Variants in COPB2 observed in about 807,000 individuals in gnomAD.
COPB2 encodes the protein coatomer subunit beta'.
Under a neutral mutation model 120.8 loss-of-function variants are expected in COPB2, and 16 were observed. The observed-to-expected ratio is 0.13, with a 90% confidence interval of 0.09 to 0.20. The LOEUF is 0.20. Ranked by LOEUF, COPB2 falls within the 10% of genes least tolerant of loss-of-function variation. The pLI, the probability that COPB2 is intolerant of heterozygous loss-of-function variation, is 1.00. For missense variants in COPB2, 794 were observed against 1,076.5 expected (o/e 0.74, Z 3.67); for synonymous variants, 332 against 366.3 (o/e 0.91, Z 1.07).
chr3:139,366,988 G>T, intron 14 of COPB2, 27 bp downstream of exon 14: 1 of 1,591,446 alleles, frequency 6.3e-7, no homozygotes, highest in South Asian at 1.1e-5. Context: ...TAAAATTTAG[G>T]ACAAATGCAA....
intron 2 of COPB2, chr3:139,381,780 CT>C: frequency 6.6e-6 from 1 of 152,020 alleles, no homozygotes; most frequent in Non-Finnish European, 1.5e-5. Flanking sequence ...AGTGATAGAG[CT>C]GAGATAGGTA....
intron 15 of COPB2, among the ~76,000 whole-genome samples, chr3:139,364,723 T>C (rs555414215): frequency 6.6e-5 from 10 of 152,232 alleles, no homozygotes; most frequent in African/African-American, 1.9e-4. Context: ...ACATTGAGAC[T>C]CCCTAATCAA....
chr3:139,388,324 G>C (rs530756602), intron 1 of COPB2: 1 of 148,956 alleles, frequency 6.7e-6, no homozygotes, highest in African/African-American at 2.5e-5. Context: ...TGGCCCCTGC[G>C]CAAGTATGAC....
rs1233751457 is a variant in COPB2, at chr3:139,375,451, G to A, written c.651+17C>T. On this transcript the variant is annotated intron_variant, in intron 6 of 21. Transcript: ENST00000333188. ...AACATATCTAACATATGGAAGTAAG[G>A]TTATGAAAAACTGTACCTGATAATC... is the stretch of plus-strand genomic sequence containing the variant. 5.0e-6 allele frequency: 8 copies of A among 1,607,322 alleles called. No homozygotes were observed. Among genetic ancestry groups the A allele is most frequent in the Non-Finnish European group, 6.0e-6 (7 of 1,175,520 alleles).
intron 1 of COPB2, among the ~76,000 whole-genome samples, chr3:139,388,528 T>C (rs1039852474): frequency 6.6e-6 from 1 of 151,968 alleles, no homozygotes. Context: ...ATTAACCTTG[T>C]AGAAACATAA....
intron 10 of COPB2, 125 bp from the exon 11 acceptor site, chr3:139,369,669 A>G: frequency 1.5e-6 from 1 of 654,414 alleles, no homozygotes; most frequent in Non-Finnish European, 2.6e-6. Context: ...ATATTTGAAG[A>G]TTATCTGATG....
In COPB2 at chr3:139,385,403, T is replaced by C. The variant is rs536260974; in HGVS notation, c.4-1968A>G. On this transcript the variant is annotated intron_variant, in intron 1 of 21. Coordinates refer to ENST00000333188, the MANE Select transcript of COPB2 (RefSeq NM_004766.3). ...GTCAATAGTGTCATATCAGGAAATATTCTGAAGAAGTGTTATTCATGAAGT... is the reference window on the plus strand; with the variant it reads ...GTCAATAGTGTCATATCAGGAAATACTCTGAAGAAGTGTTATTCATGAAGT... 2.6e-5 allele frequency: 4 copies of C among 152,344 alleles called. No homozygotes were observed. The East Asian group carries it at 7.7e-4, about 29-fold the overall frequency. 9.4% of individuals were successfully genotyped at this position (152,344 alleles called of 1,614,324 possible). A position where few individuals can be genotyped will look rare whatever the true frequency, so the allele number is the denominator to read the frequency against.
Position 139,373,380 on chromosome 3 carries a change from A to G in COPB2, c.927T>C (p.Asp309=). ...TGGCCCAAATTATCTTTCCATTGGCATCCATGGACATGGCAGGTTCCTCCC... is the reference window on the plus strand; with the variant it reads ...TGGCCCAAATTATCTTTCCATTGGCGTCCATGGACATGGCAGGTTCCTCCC... The part of the protein sequence containing the change: ...LGREEPAMSM[D]ANGKIIWAKH... Residue 309 remains aspartate (D), a synonymous_variant, in exon 9 of 22, where the codon GAT becomes GAC. Coordinates refer to ENST00000333188, the MANE Select transcript of COPB2 (RefSeq NM_004766.3). 1 of 1,614,188 alleles carries G rather than the reference A, an allele frequency of 6.2e-7. No homozygotes were observed. Among genetic ancestry groups the G allele is most frequent in the Non-Finnish European group, 8.5e-7 (1 of 1,180,032 alleles).
chr3:139,364,911 C>T (rs1038648449), intron 15 of COPB2, among the ~76,000 whole-genome samples: 6 of 151,970 alleles, frequency 3.9e-5, no homozygotes, highest in Admixed American at 6.6e-5. Flanking sequence ...ATAAAAGGAA[C>T]GTGAAGGAAG....
At chr3:139,379,590 A>AAT in intron 2 of COPB2, 124 bp from the exon 3 acceptor site, 1 of 718,784 alleles carries the variant, frequency 1.4e-6, no homozygotes, top group South Asian at 2.2e-5. Flanking sequence ...CTCAGGCTAA[A>AAT]ATATAAAAGC....
At chr3:139,364,429 G>A (rs985717709) in intron 15 of COPB2, among the ~76,000 whole-genome samples, 1 of 152,070 alleles carries the variant, frequency 6.6e-6, no homozygotes, top group Non-Finnish European at 1.5e-5. Context: ...AAAGTACAGA[G>A]TATCAAAGGA....
At chr3:139,372,617 C>T (rs1941641029) in intron 9 of COPB2, among the ~76,000 whole-genome samples, 1 of 152,188 alleles carries the variant, frequency 6.6e-6, no homozygotes, top group Non-Finnish European at 1.5e-5. Context: ...TTTCAATACT[C>T]AGCACAGCAT....
rs527455719 is a variant in COPB2 at position 139,359,833 on chromosome 3, A to G, written c.2211-471T>C. Among the ~76,000 whole-genome samples, 87 of 152,184 alleles carry G rather than the reference A, an allele frequency of 5.7e-4. 1 individual carries two copies. Among genetic ancestry groups the G allele is most frequent in the African/African-American group, 2.0e-3 (81 of 41,520 alleles). The stretch of plus-strand genomic sequence containing the variant: ...CTGTGCAAGTTTTATGATGTGGACA[A>G]TATGTTTCAGAATTCAGGATTTTTT... On this transcript the variant is annotated intron_variant, in intron 17 of 21. Coordinates refer to ENST00000333188, the MANE Select transcript of COPB2 (RefSeq NM_004766.3).
intron 9 of COPB2, among the ~76,000 whole-genome samples, chr3:139,372,758 T>G (rs1039868916): frequency 2.6e-5 from 4 of 152,214 alleles, no homozygotes; most frequent in African/African-American, 7.2e-5. Flanking sequence ...CAACTGACAG[T>G]TCGAATTACA....
intron 5 of COPB2, among the ~76,000 whole-genome samples, chr3:139,375,868 T>C (rs950772522): frequency 6.6e-6 from 1 of 152,170 alleles, no homozygotes; most frequent in African/African-American, 2.4e-5. Context: ...AGTCAGTCAA[T>C]CCACAGTGAC....
At chr3:139,374,186 T>C (rs1941675609) in intron 7 of COPB2, 1 of 421,360 alleles carries the variant, frequency 2.4e-6, no homozygotes, top group East Asian at 4.4e-5. Flanking sequence ...CAGAGCCTGA[T>C]TTTGAACCCA....
chr3:139,387,494 CT>C (rs952563035), intron 1 of COPB2, among the ~76,000 whole-genome samples: 16 of 152,174 alleles, frequency 1.1e-4, no homozygotes, highest in African/African-American at 3.1e-4. Context: ...CCAGTAAGAC[CT>C]TTCTAGTTAC....
At chr3:139,386,196 C>G (rs1305087783) in intron 1 of COPB2, among the ~76,000 whole-genome samples, 1 of 152,096 alleles carries the variant, frequency 6.6e-6, no homozygotes, top group African/African-American at 2.4e-5. Flanking sequence ...TGGCTCTTCT[C>G]TTCAATCTCC....
chr3:139,374,236 C>CT (rs1941676723), intron 7 of COPB2: 1 of 487,590 alleles, frequency 2.1e-6, no homozygotes, highest in East Asian at 3.6e-5. Flanking sequence ...TTCAGTTTCT[C>CT]TTTAGGACAG....
Sources: gnomAD v4.1 joint callset for allele counts (sites outside exome capture counted in the v4.1 genomes callset) on GRCh38, gnomAD v4.1.1 for gene constraint, MANE v1.5 for transcripts, NCBI Gene and HGNC (gene_info 2026-07-23, HGNC 2026-07-21) for gene names.